MANBA: variants seen among roughly 807,000 people sequenced by gnomAD.
MANBA encodes the protein mannosidase beta.
MANBA carries 83 observed loss-of-function variants against 111.1 expected under a neutral mutation model. The observed-to-expected ratio is 0.75, with a 90% CI of 0.63 to 0.90. The LOEUF (loss-of-function observed/expected upper bound fraction) is 0.90, where lower values mean the gene tolerates loss of function less well. Among genes scored for constraint, MANBA ranks in the 40% least tolerant of loss-of-function variants. MANBA has a pLI of 0.00. For synonymous variants in MANBA, 370 were observed against 378.7 expected (o/e 0.98, Z 0.27); for missense variants, 1,036 against 1,069.0 (o/e 0.97, Z 0.43).
At chr4:102,747,227 C>G (rs966105977) in intron 1 of MANBA, among the ~76,000 whole-genome samples, 1 of 151,826 alleles carries the variant, frequency 6.6e-6, no homozygotes, top group Non-Finnish European at 1.5e-5. Flanking sequence ...TCCCATAACA[C>G]GCCATCTGCA....
At chr4:102,730,101 G>T in intron 1 of MANBA, 1 of 1,038,418 alleles carries the variant, frequency 9.6e-7, no homozygotes, top group Non-Finnish European at 1.4e-6. Context: ...ACTTGTGTAG[G>T]AGTGGCTGCT....
At chr4:102,757,202 G>C (rs1724059492) in intron 1 of MANBA, among the ~76,000 whole-genome samples, 1 of 152,132 alleles carries the variant, frequency 6.6e-6, no homozygotes, top group African/African-American at 2.4e-5. Flanking sequence ...GGTGGCACAT[G>C]CCTGTAATCC....
Position 102,631,104 on chromosome 4 carries a change from CTTTGTGTGTGTG to C in MANBA, c.*941_*952del, listed in dbSNP as rs761683559. 0.21 allele frequency: 29,838 copies of C among 138,854 alleles called. 3,630 individuals carry two copies. Among genetic ancestry groups the C allele is most frequent in the East Asian group, 0.37 (1,779 of 4,824 alleles). 8.6% of individuals were successfully genotyped at this position (138,854 alleles called of 1,614,324 possible). The stretch of plus-strand genomic sequence containing the variant: ...AAGTCCCCTTATCCCCTTGATAAGG[CTTTGTGTGTGTG>C]TGTGTGTGTGTGTGTGTGTGTGTGT... On this transcript the variant is annotated 3_prime_UTR_variant, in exon 17 of 17. Transcript: ENST00000647097.
rs1235228820 is a variant in MANBA at position 102,631,104 on chromosome 4, CTTTGTGTGTGTGTGTGTGTGTG to C, written c.*931_*952del. ...AAGTCCCCTTATCCCCTTGATAAGG[CTTTGTGTGTGTGTGTGTGTGTG>C]TGTGTGTGTGTGTGTGTGTGTGTGT... is the stretch of plus-strand genomic sequence containing the variant. On this transcript the variant is annotated 3_prime_UTR_variant, in exon 17 of 17. Coordinates refer to ENST00000647097, the MANE Select transcript of MANBA (RefSeq NM_005908.4). 26 of 138,972 alleles carry C rather than the reference CTTTGTGTGTGTGTGTGTGTGTG, an allele frequency of 1.9e-4. No homozygotes were observed. Among genetic ancestry groups the C allele is most frequent in the Middle Eastern group, 7.1e-3 (2 of 280 alleles). The allele number at this position is 138,972 out of a possible 1,614,324, so 8.6% of individuals were successfully genotyped here.
At chr4:102,672,841 C>G (rs1731552907) in intron 8 of MANBA, among the ~76,000 whole-genome samples, 1 of 152,072 alleles carries the variant, frequency 6.6e-6, no homozygotes, top group Admixed American at 6.5e-5. Flanking sequence ...CCAAAACTAT[C>G]CCCTCATCCC....
chr4:102,730,059 A>G (rs757731571), intron 1 of MANBA: 22 of 808,680 alleles, frequency 2.7e-5, no homozygotes, highest in Non-Finnish European at 4.0e-5. Flanking sequence ...CACTAGGGAG[A>G]AGCCTGAGGA....
At chr4:102,733,006 T>C (rs72663156) in intron 1 of MANBA, among the ~76,000 whole-genome samples, 3 of 152,342 alleles carry the variant, frequency 2.0e-5, no homozygotes, top group Non-Finnish European at 4.4e-5. Flanking sequence ...TGAAGGAATC[T>C]GCAAGTTGGT....
rs73834874 is a variant in MANBA at position 102,648,987 on chromosome 4, A to G, written c.1869+1550T>C. On this transcript the variant is annotated intron_variant, in intron 13 of 16. Transcript: ENST00000647097. ...TAATATACTTAAATTTCAATATAGA[A>G]GAAATCAGTACAGTTATGTATCCTT... 4.8e-3 allele frequency among the ~76,000 whole-genome samples: 729 copies of G among 152,260 alleles called. 4 individuals are homozygous for G. Among genetic ancestry groups the G allele is most frequent in the African/African-American group, 0.016 (684 of 41,566 alleles).
intron 4 of MANBA, among the ~76,000 whole-genome samples, chr4:102,714,936 C>G (rs1426963766): frequency 6.6e-6 from 1 of 152,130 alleles, no homozygotes; most frequent in Non-Finnish European, 1.5e-5. Flanking sequence ...CTTAATCACC[C>G]CTTAAAGACC....
rs2110210086 is a variant in MANBA at position 102,657,814 on chromosome 4, A to G, written c.1572T>C (p.Asn524=). ...VAEAWVSQNP[N]SNYFGDVHFY... ...AATGTACATCACCAAAATAATTGCT[A>G]TTAGGGTTTTGAGAGACCCAGGCTT... The change falls in exon 12 of 17, where the codon AAT becomes AAC. Residue 524 remains asparagine (N), a synonymous_variant. Transcript: ENST00000647097. 2 of 1,613,870 alleles carry G rather than the reference A, an allele frequency of 1.2e-6. No homozygotes were observed. The highest frequency in any genetic ancestry group is 8.5e-7 in the Non-Finnish European group (1 of 1,179,710).
chr4:102,729,552 C>T, intron 1 of MANBA: 1 of 869,500 alleles, frequency 1.2e-6, no homozygotes, highest in South Asian at 1.3e-5. Context: ...CCAGCTCTAC[C>T]TTGTTCATGT....
At chr4:102,710,653 G>C (rs183358051) in intron 5 of MANBA, among the ~76,000 whole-genome samples, 1 of 151,404 alleles carries the variant, frequency 6.6e-6, no homozygotes, top group Non-Finnish European at 1.5e-5. Context: ...TACAGAAATA[G>C]AAAAAAAATC....
chr4:102,683,841 A>G (rs1732087788), intron 7 of MANBA, among the ~76,000 whole-genome samples: 2 of 152,154 alleles, frequency 1.3e-5, no homozygotes, highest in South Asian at 2.1e-4. Context: ...TAATGTTTAA[A>G]TTGCCTGTTG....
intron 1 of MANBA, chr4:102,751,759 A>G (rs1723809372): frequency 3.7e-6 from 2 of 533,400 alleles, no homozygotes; most frequent in Non-Finnish European, 3.8e-6. Flanking sequence ...TCTTATGATA[A>G]GACCTCTCAA....
intron 13 of MANBA, among the ~76,000 whole-genome samples, chr4:102,643,756 AG>A (rs1446934688): frequency 6.6e-6 from 1 of 152,046 alleles, no homozygotes; most frequent in Non-Finnish European, 1.5e-5. Context: ...TTCACTATTG[AG>A]TTCTAAGAGT....
At chr4:102,716,702 T>C (rs955955967) in intron 4 of MANBA, among the ~76,000 whole-genome samples, 3 of 152,212 alleles carry the variant, frequency 2.0e-5, no homozygotes, top group Non-Finnish European at 4.4e-5. Context: ...TGTAAAGCTA[T>C]AAGTTCAGCT....
chr4:102,671,219 A>G (rs1731480640), intron 9 of MANBA, 62 bp downstream of exon 9: 3 of 1,032,412 alleles, frequency 2.9e-6, no homozygotes, highest in Middle Eastern at 2.0e-4. Context: ...CATTCAGAAC[A>G]TTGGCAGTCA....
At chr4:102,759,225 C>T (rs144255370) in intron 1 of MANBA, among the ~76,000 whole-genome samples, 176 of 151,632 alleles carry the variant, frequency 1.2e-3, no homozygotes, top group African/African-American at 4.2e-3. Context: ...CCACCTCGGC[C>T]TCATAGACTC....
intron 1 of MANBA, among the ~76,000 whole-genome samples, chr4:102,747,311 C>T (rs549656391): frequency 1.1e-4 from 16 of 152,266 alleles, no homozygotes; most frequent in African/African-American, 3.6e-4. Flanking sequence ...GGGTAGGAAG[C>T]ATCCATCATG....
Sources: gnomAD v4.1 joint callset for allele counts (sites outside exome capture counted in the v4.1 genomes callset) on GRCh38, gnomAD v4.1.1 for gene constraint, MANE v1.5 for transcripts, NCBI Gene and HGNC (gene_info 2026-07-23, HGNC 2026-07-21) for gene names.